Variants in UBQLN1 observed in about 807,000 individuals in gnomAD.
UBQLN1 encodes ubiquilin-1.
In UBQLN1, 13 loss-of-function variants were observed where a neutral mutation model predicts 65.4. That is an observed-to-expected ratio of 0.20 (90% CI 0.13 to 0.32). The LOEUF is 0.32. Ranked by LOEUF, UBQLN1 falls within the 10% of genes least tolerant of loss-of-function variation. UBQLN1 has a pLI of 1.00. For missense variants in UBQLN1, 561 were observed against 724.0 expected (o/e 0.77, Z 2.58); for synonymous variants, 267 against 247.8 (o/e 1.08, Z -0.73).
rs979362955 is a variant in UBQLN1 at position 83,661,769 on chromosome 9, C to G, written c.*18G>C. The stretch of plus-strand genomic sequence containing the variant: ...TTATCAAAAATAAATTACATTTTTT[C>G]AAGATACAGAAATGCTGCTATGATG... On this transcript the variant is annotated 3_prime_UTR_variant, in exon 11 of 11. Coordinates refer to ENST00000376395, the MANE Select transcript of UBQLN1 (RefSeq NM_013438.5). 5 of 1,564,112 alleles carry G rather than the reference C, an allele frequency of 3.2e-6. No homozygotes were observed. Among genetic ancestry groups the G allele is most frequent in the Admixed American group, 4.1e-5 (2 of 48,502 alleles).
chr9:83,683,989 C>A (rs1023205515), intron 2 of UBQLN1, among the ~76,000 whole-genome samples: 1 of 151,966 alleles, frequency 6.6e-6, no homozygotes, highest in Admixed American at 6.6e-5. Flanking sequence ...CCACTGCACT[C>A]CAGCCTGGGT....
intron 2 of UBQLN1, among the ~76,000 whole-genome samples, chr9:83,683,943 C>T (rs938390437): frequency 6.6e-6 from 1 of 151,968 alleles, no homozygotes; most frequent in African/African-American, 2.4e-5. Context: ...ACTACTTGAA[C>T]CCAGGAGGCG....
At chr9:83,698,274 G>A (rs1411667549) in intron 1 of UBQLN1, among the ~76,000 whole-genome samples, 2 of 152,110 alleles carry the variant, frequency 1.3e-5, no homozygotes, top group Non-Finnish European at 2.9e-5. Context: ...GAAAACAGGA[G>A]AAAAGGCAGG....
At chr9:83,671,344 T>A (rs1831726945) in intron 6 of UBQLN1, among the ~76,000 whole-genome samples, 1 of 152,246 alleles carries the variant, frequency 6.6e-6, no homozygotes, top group Admixed American at 6.5e-5. Flanking sequence ...CAGAAGGTTT[T>A]CAATTTACTT....
chr9:83,707,764 C>A lies in UBQLN1; in HGVS notation c.-85G>T. 6.9e-7 allele frequency: 1 copy of A among 1,453,258 alleles called. No homozygotes were observed. The highest frequency in any genetic ancestry group is 9.0e-7 in the Non-Finnish European group (1 of 1,111,936). 90.0% of individuals were successfully genotyped at this position (1,453,258 alleles called of 1,614,324 possible). A position where few individuals can be genotyped will look rare whatever the true frequency, so the allele number is the denominator to read the frequency against. Reference sequence around the variant, plus strand: ...AGGAGCCAGCAGACACCAGAGCCGGCAGGCCTGGACAGCGAAGAATGCAGA... The same window carrying A: ...AGGAGCCAGCAGACACCAGAGCCGGAAGGCCTGGACAGCGAAGAATGCAGA... On this transcript the variant is annotated 5_prime_UTR_variant, in exon 1 of 11. Transcript: ENST00000376395.
In UBQLN1 at chr9:83,707,900, G is replaced by T; in HGVS notation, c.-221C>A. ...GGGTCAGGCGCTCGGCAGCCGCCGT[G>T]TGTTCAGGCGCCGCTCGCTCACACC... On this transcript the variant is annotated 5_prime_UTR_variant, in exon 1 of 11. Transcript: ENST00000376395. The T allele has an allele frequency of 1.7e-6, 1 of 577,220 alleles. No individual in the cohort carries two copies. The highest frequency in any genetic ancestry group is 2.8e-6 in the Non-Finnish European group (1 of 352,136). The allele number at this position is 577,220 out of a possible 1,614,324, so 35.8% of individuals were successfully genotyped here.
intron 1 of UBQLN1, among the ~76,000 whole-genome samples, chr9:83,691,071 G>A (rs910106376): frequency 6.6e-6 from 1 of 152,048 alleles, no homozygotes; most frequent in Non-Finnish European, 1.5e-5. Context: ...CCAGGAGGCA[G>A]AGATTGCAGT....
At chr9:83,680,464 A>G (rs1831922021) in intron 3 of UBQLN1, among the ~76,000 whole-genome samples, 1 of 152,168 alleles carries the variant, frequency 6.6e-6, no homozygotes, top group South Asian at 2.1e-4. Flanking sequence ...AAGTGATTAA[A>G]GGGCTAAAAC....
chr9:83,689,012 C>T (rs1380157311), intron 1 of UBQLN1, among the ~76,000 whole-genome samples: 1 of 152,192 alleles, frequency 6.6e-6, no homozygotes, highest in Non-Finnish European at 1.5e-5. Flanking sequence ...TATTCACAGA[C>T]ATGTGTTACA....
intron 7 of UBQLN1, chr9:83,667,368 G>A (rs1405183543): frequency 2.8e-6 from 1 of 356,344 alleles, no homozygotes; most frequent in Non-Finnish European, 3.9e-6. Context: ...AAAGTCTGGG[G>A]AGGAAATGAT....
chr9:83,686,505 AAGGTCCTACTAT>A (rs1832042432), intron 1 of UBQLN1, among the ~76,000 whole-genome samples: 1 of 152,186 alleles, frequency 6.6e-6, no homozygotes, highest in Non-Finnish European at 1.5e-5. Context: ...CTCTAACACA[AAGGTCCTACTAT>A]AGGTGCACAT....
intron 7 of UBQLN1, chr9:83,667,698 A>C (rs1831663928): frequency 1.0e-6 from 1 of 984,816 alleles, no homozygotes. Context: ...GTCATCTTAA[A>C]CGTATCCTTT....
chr9:83,690,125 T>C (rs772285212), intron 1 of UBQLN1, among the ~76,000 whole-genome samples: 4 of 152,312 alleles, frequency 2.6e-5, no homozygotes, highest in Non-Finnish European at 5.9e-5. Flanking sequence ...TTTAACAAAC[T>C]ACATGTCCAC....
intron 6 of UBQLN1, among the ~76,000 whole-genome samples, chr9:83,674,328 T>G (rs4877794): frequency 6.6e-6 from 1 of 151,960 alleles, no homozygotes; most frequent in Admixed American, 6.6e-5. Context: ...TCTTATGCAA[T>G]GACACTAAAA....
At chr9:83,683,118 A>G in intron 2 of UBQLN1, 52 bp from the exon 3 acceptor site, 2 of 1,369,724 alleles carry the variant, frequency 1.5e-6, no homozygotes, top group Non-Finnish European at 2.1e-6. Flanking sequence ...TTATTTTTAA[A>G]AGAACCACCA....
chr9:83,690,864 G>A (rs1285789371), intron 1 of UBQLN1, among the ~76,000 whole-genome samples: 2 of 152,138 alleles, frequency 1.3e-5, no homozygotes, highest in African/African-American at 2.4e-5. Context: ...GGGAGCGGGC[G>A]CAGTGGCTCA....
intron 3 of UBQLN1, among the ~76,000 whole-genome samples, chr9:83,682,489 AC>A: frequency 1.5e-5 from 1 of 65,268 alleles, no homozygotes; most frequent in Non-Finnish European, 3.7e-5. Flanking sequence ...TCTTAAAAAA[AC>A]AAACAAACAA....
At chr9:83,704,420 C>T (rs1325810953) in intron 1 of UBQLN1, among the ~76,000 whole-genome samples, 1 of 152,128 alleles carries the variant, frequency 6.6e-6, no homozygotes, top group East Asian at 1.9e-4. Flanking sequence ...TGGTGATAAG[C>T]GTCAATTTTT....
At chr9:83,700,604 G>A (rs1009082234) in intron 1 of UBQLN1, among the ~76,000 whole-genome samples, 1 of 152,118 alleles carries the variant, frequency 6.6e-6, no homozygotes, top group Non-Finnish European at 1.5e-5. Flanking sequence ...TGGACAATCA[G>A]AAATAGATAC....
Sources: gnomAD v4.1 joint callset for allele counts (sites outside exome capture counted in the v4.1 genomes callset) on GRCh38, gnomAD v4.1.1 for gene constraint, MANE v1.5 for transcripts, NCBI Gene and HGNC (gene_info 2026-07-23, HGNC 2026-07-21) for gene names.